PRKDC: variants seen among roughly 807,000 people sequenced by gnomAD.
PRKDC encodes protein kinase, DNA-activated, catalytic subunit.
In PRKDC, 82 loss-of-function variants were observed where a neutral mutation model predicts 486.9. That is an observed-to-expected ratio of 0.17 (90% CI 0.14 to 0.20). The LOEUF is 0.20. Among genes scored for constraint, PRKDC ranks in the 10% least tolerant of loss-of-function variants. The pLI, the probability that PRKDC is intolerant of heterozygous loss-of-function variation, is 1.00. For missense variants in PRKDC, 4,504 were observed against 5,038.2 expected, an observed-to-expected ratio of 0.89 and a Z score of 3.21; for synonymous variants, 1,895 against 1,837.0, an observed-to-expected ratio of 1.03 and a Z score of -0.81.
chr8:47,927,921 C>A, intron 19 of PRKDC, 31 bp from the exon 20 acceptor site: 1 of 1,429,536 alleles, frequency 7.0e-7, no homozygotes, highest in Non-Finnish European at 9.2e-7. Flanking sequence ...TAATGTATAT[C>A]TGAATAGAGC....
intron 42 of PRKDC, 127 bp downstream of exon 42, chr8:47,863,272 T>C (rs1211137439): frequency 2.6e-6 from 2 of 777,536 alleles, no homozygotes; most frequent in Admixed American, 7.4e-5. Context: ...AAGTGGTTTA[T>C]AAGAAGAAAA....
rs759505708 is a variant in PRKDC at position 47,957,230 on chromosome 8, A to C, written c.265T>G (p.Leu89Val). 1 of 1,602,656 alleles carries C rather than the reference A, an allele frequency of 6.2e-7. No individual in the cohort carries two copies. Among genetic ancestry groups the C allele is most frequent in the Non-Finnish European group, 8.5e-7 (1 of 1,171,628 alleles). ...RECREEILKFLCIFLEKMGQK... is the reference protein window; with the variant it reads ...RECREEILKFVCIFLEKMGQK... ...CCCATTTTTTCTAAGAAAATACATA[A>C]AAACTTTAGGATTTCTTCTCTACAT... Residue 89 changes from leucine to valine, a missense_variant, in exon 3 of 86, where the codon TTA becomes GTA. Physicochemically the swap from Leu to Val is conservative, Grantham distance 32. Transcript: ENST00000314191.
At chr8:47,939,767 A>C (rs2090411913) in intron 10 of PRKDC, 70 bp from the exon 11 acceptor site, 5 of 1,304,932 alleles carry the variant, frequency 3.8e-6, no homozygotes, top group Non-Finnish European at 5.2e-6. Context: ...ACATGGAAAA[A>C]CTAGAACTGT....
chr8:47,937,413 T>C (rs1417804488), intron 11 of PRKDC, among the ~76,000 whole-genome samples: 1 of 152,236 alleles, frequency 6.6e-6, no homozygotes, highest in Non-Finnish European at 1.5e-5. Flanking sequence ...TGAGGACAAA[T>C]GAGAGGCAGT....
At chr8:47,852,874 T>C in intron 51 of PRKDC, 90 bp from the exon 52 acceptor site, 1 of 840,272 alleles carries the variant, frequency 1.2e-6, no homozygotes, top group Non-Finnish European at 1.9e-6. Flanking sequence ...TCATGTCATA[T>C]TGACAGCCTA....
At position 47,795,543 on chromosome 8, in the gene PRKDC, AGT is replaced by A. The variant is rs1433980000; in HGVS notation, c.10459-1044_10459-1043del. 2.2e-5 allele frequency among the ~76,000 whole-genome samples: 3 copies of A among 137,114 alleles called. No individual in the cohort carries two copies. The East Asian group carries it at 6.8e-4, about 31-fold the overall frequency. 90.0% of individuals were successfully genotyped at this position (137,114 alleles called of 152,430 possible). The stretch of plus-strand genomic sequence containing the variant: ...AGTCTCACTGTATCGCTCAGGCTGG[AGT>A]GCTGTGGCGTGATCTCAGCTCACTG... On this transcript the variant is annotated intron_variant, in intron 73 of 85. Coordinates refer to ENST00000314191, the MANE Select transcript of PRKDC (RefSeq NM_006904.7).
intron 3 of PRKDC, among the ~76,000 whole-genome samples, 172 bp downstream of exon 3, chr8:47,956,999 A>C (rs1373920013): frequency 1.3e-5 from 2 of 150,362 alleles, no homozygotes; most frequent in East Asian, 3.9e-4. Context: ...AAAAAAAAAA[A>C]AACCTAATGA....
chr8:47,936,283 T>G, intron 12 of PRKDC, 70 bp downstream of exon 12: 1 of 1,492,452 alleles, frequency 6.7e-7, no homozygotes, highest in Admixed American at 2.0e-5. Context: ...ATGTATTGTA[T>G]GACTCCATCA....
intron 56 of PRKDC, among the ~76,000 whole-genome samples, chr8:47,838,115 G>A (rs944549923): frequency 2.6e-5 from 4 of 152,062 alleles, no homozygotes; most frequent in Non-Finnish European, 5.9e-5. Flanking sequence ...CAGCCTGGGT[G>A]ACAGAGTGAG....
At chr8:47,957,323 C>T (rs770739065) in intron 2 of PRKDC, 32 bp downstream of exon 2, 1 of 1,589,632 alleles carries the variant, frequency 6.3e-7, no homozygotes, top group Non-Finnish European at 8.6e-7. Context: ...CAGGAATATA[C>T]AAGAAAAGCA....
At chr8:47,941,609 TTTC>T (rs1210787334) in intron 10 of PRKDC, among the ~76,000 whole-genome samples, 2 of 152,210 alleles carry the variant, frequency 1.3e-5, no homozygotes, top group East Asian at 3.8e-4. Flanking sequence ...CATTTGGTAC[TTTC>T]TTCATCTCTG....
At chr8:47,890,573 T>C (rs1429738301) in intron 31 of PRKDC, 93 bp from the exon 32 acceptor site, 1 of 922,018 alleles carries the variant, frequency 1.1e-6, no homozygotes, top group African/African-American at 1.7e-5. Flanking sequence ...AGGCATGGTA[T>C]ACGTTCAGCA....
chr8:47,836,276 C>T, intron 58 of PRKDC, 62 bp downstream of exon 58: 3 of 1,376,830 alleles, frequency 2.2e-6, no homozygotes, highest in Non-Finnish European at 2.9e-6. Context: ...ACTGTTGTGA[C>T]AGAAGCTGCC....
At chr8:47,785,019 A>G in intron 77 of PRKDC, 94 bp downstream of exon 77, 1 of 1,182,964 alleles carries the variant, frequency 8.5e-7, no homozygotes, top group South Asian at 1.4e-5. Flanking sequence ...ATAACTGTCA[A>G]TATCCCAGTA....
intron 4 of PRKDC, among the ~76,000 whole-genome samples, chr8:47,955,148 T>TA (rs1283645573): frequency 2.9e-5 from 4 of 137,374 alleles, no homozygotes; most frequent in Non-Finnish European, 6.3e-5. Flanking sequence ...AACAAGACTC[T>TA]GTCTCAAAAA....
chr8:47,955,449 G>T (rs1254925517), intron 4 of PRKDC, among the ~76,000 whole-genome samples: 1 of 111,430 alleles, frequency 9.0e-6, no homozygotes, highest in Non-Finnish European at 1.7e-5. Flanking sequence ...GCGACAGAGC[G>T]AGACTCCGTC....
intron 68 of PRKDC, among the ~76,000 whole-genome samples, chr8:47,808,987 G>A (rs1181686901): frequency 1.3e-5 from 2 of 151,898 alleles, no homozygotes; most frequent in African/African-American, 4.8e-5. Context: ...CTGCACCACT[G>A]CACTCCAGCC....
chr8:47,912,912 A>C (rs2089928672), intron 24 of PRKDC, among the ~76,000 whole-genome samples: 1 of 152,182 alleles, frequency 6.6e-6, no homozygotes, highest in Non-Finnish European at 1.5e-5. Context: ...ACTATAGAAA[A>C]TTTACAAATT....
At chr8:47,906,038 C>A (rs890229927) in intron 25 of PRKDC, among the ~76,000 whole-genome samples, 1 of 152,186 alleles carries the variant, frequency 6.6e-6, no homozygotes, top group African/African-American at 2.4e-5. Flanking sequence ...ACAGATCTAA[C>A]CCTCATTATA....
Sources: gnomAD v4.1 joint callset for allele counts (sites outside exome capture counted in the v4.1 genomes callset) on GRCh38, gnomAD v4.1.1 for gene constraint, MANE v1.5 for transcripts, NCBI Gene and HGNC (gene_info 2026-07-23, HGNC 2026-07-21) for gene names.